Variants in SEC14L5 observed in about 807,000 individuals in gnomAD.
SEC14L5 encodes the protein SEC14 like lipid binding 5, also known as SEC14-like protein 5.
Under a neutral mutation model 84.6 loss-of-function variants are expected in SEC14L5, and 96 were observed. The ratio of observed to expected loss-of-function variants is 1.13; its 90% CI spans 0.96 to 1.34. The LOEUF (loss-of-function observed/expected upper bound fraction) is 1.34, where lower values mean the gene tolerates loss of function less well. Among genes scored for constraint, SEC14L5 ranks in the 40% most tolerant of loss-of-function variants. The probability of loss-of-function intolerance (pLI) is 0.00; values close to 1 mark genes in which losing one functional copy is unlikely to be tolerated. For missense variants in SEC14L5, 1,224 were observed against 942.5 expected, an observed-to-expected ratio of 1.30 and a Z score of -3.91; for synonymous variants, 546 against 383.4, an observed-to-expected ratio of 1.42 and a Z score of -4.95.
Position 5,016,878 on chromosome 16 carries a change from T to A in SEC14L5, c.*1908T>A, listed in dbSNP as rs936834442. 1.3e-5 allele frequency: 2 copies of A among 152,232 alleles called. No homozygotes were observed. Among genetic ancestry groups the A allele is most frequent in the Admixed American group, 6.5e-5 (1 of 15,288 alleles). 9.4% of individuals were successfully genotyped at this position (152,232 alleles called of 1,614,324 possible). A position where few individuals can be genotyped will look rare whatever the true frequency, so the allele number is the denominator to read the frequency against. On this transcript the variant is annotated 3_prime_UTR_variant, in exon 16 of 16. Transcript: ENST00000251170. ...TCTCAGGTATCTGAACAAAATAGAT[T>A]GCTTTGCACTCTGCGTCAAGGTGTG...
At position 5,015,389 on chromosome 16, in the gene SEC14L5, C is replaced by G. The variant is rs1289032462; in HGVS notation, c.*419C>G. The G allele has an allele frequency of 5.7e-6, 1 of 174,418 alleles. No homozygotes were observed. The highest frequency in any genetic ancestry group is 1.2e-5 in the Non-Finnish European group (1 of 81,142). The allele number at this position is 174,418 out of a possible 1,614,324, so 10.8% of individuals were successfully genotyped here. On this transcript the variant is annotated 3_prime_UTR_variant, in exon 16 of 16. Coordinates refer to ENST00000251170, the MANE Select transcript of SEC14L5 (RefSeq NM_014692.2). ...CCTGCATAAGAGAGCCTCTTCCTCC[C>G]AAAGGCTCCAGCCCACTTCCCAGAG... is the stretch of plus-strand genomic sequence containing the variant.
chr16:4,976,335 C>T lies in SEC14L5; in HGVS notation c.64-11222C>T, dbSNP rs117711004. 2.4e-3 allele frequency among the ~76,000 whole-genome samples: 372 copies of T among 152,306 alleles called. 3 individuals are homozygous for T. The highest frequency in any genetic ancestry group is 4.4e-3 in the South Asian group (21 of 4,826). ...GCCCCAGAGCCCACTCTCTTAAGGG[C>T]GGTGCTATGCTGTTGTTCATTCATT... On this transcript the variant is annotated intron_variant, in intron 2 of 15. Coordinates refer to ENST00000251170, the MANE Select transcript of SEC14L5 (RefSeq NM_014692.2).
At chr16:4,982,557 C>T (rs576334133) in intron 2 of SEC14L5, among the ~76,000 whole-genome samples, 13 of 152,288 alleles carry the variant, frequency 8.5e-5, no homozygotes, top group African/African-American at 3.1e-4. Flanking sequence ...GCAGCCCCAG[C>T]ACAGAGCCTG....
intron 2 of SEC14L5, among the ~76,000 whole-genome samples, chr16:4,983,746 G>A (rs1428634732): frequency 1.3e-5 from 2 of 151,752 alleles, no homozygotes; most frequent in Non-Finnish European, 2.9e-5. Flanking sequence ...GTGTAGTGGC[G>A]TGTGCCTGTA....
At position 5,014,999 on chromosome 16, in the gene SEC14L5, T is replaced by C; in HGVS notation, c.*29T>C. The C allele has an allele frequency of 6.5e-7, 1 of 1,528,700 alleles. No homozygotes were observed. The highest frequency in any genetic ancestry group is 9.0e-7 in the Non-Finnish European group (1 of 1,110,462). 94.7% of individuals were successfully genotyped at this position (1,528,700 alleles called of 1,614,324 possible). On this transcript the variant is annotated 3_prime_UTR_variant, in exon 16 of 16. Transcript: ENST00000251170. ...GGCCCAGTGTTTCAGGGCCGCCCGC[T>C]CGCCTCCAGTGTCCAGAAATGTCCA...
Position 4,998,351 on chromosome 16 carries a change from C to T in SEC14L5, c.970+1307C>T, listed in dbSNP as rs547886116. 3.3e-5 allele frequency among the ~76,000 whole-genome samples: 5 copies of T among 151,950 alleles called. No homozygotes were observed. In the South Asian group the frequency reaches 6.2e-4, roughly 19 times the overall value. On this transcript the variant is annotated intron_variant, in intron 8 of 15. Coordinates refer to ENST00000251170, the MANE Select transcript of SEC14L5 (RefSeq NM_014692.2). ...CCCCATGGATATGAGTTTTGGGACA[C>T]GATTCCACCCATTACAAATATCTTT...
rs760808127 is a variant in SEC14L5, at chr16:5,000,884, G to A, written c.1089G>A (p.Lys363=). ...HVLSVNEEGQ[K]RCEGSTRQLG... is the part of the protein sequence containing the mutation. Reference sequence around the variant, plus strand: ...TCTCCGTCAACGAGGAAGGACAGAAGCGGTGTGAGGGGAGCACAAGGCAGC... The same window carrying A: ...TCTCCGTCAACGAGGAAGGACAGAAACGGTGTGAGGGGAGCACAAGGCAGC... The change falls in exon 10 of 16, where the codon AAG becomes AAA. Residue 363 remains lysine, a synonymous_variant. Transcript: ENST00000251170. The A allele has an allele frequency of 3.7e-6, 6 of 1,609,148 alleles. No individual in the cohort carries two copies. In the South Asian group the frequency reaches 6.7e-5, roughly 18 times the overall value.
intron 4 of SEC14L5, among the ~76,000 whole-genome samples, chr16:4,989,522 T>C (rs541735651): frequency 6.6e-6 from 1 of 152,284 alleles, no homozygotes; most frequent in South Asian, 2.1e-4. Flanking sequence ...GATTTTTGTA[T>C]TTTTAGTAGA....
chr16:5,000,834 A>C, intron 9 of SEC14L5, 21 bp from the exon 10 acceptor site: 1 of 1,594,116 alleles, frequency 6.3e-7, no homozygotes, highest in Non-Finnish European at 8.5e-7. Context: ...GACGTTGAGC[A>C]GCACTGTCTC....
At chr16:4,986,908 T>C (rs1439842204) in intron 2 of SEC14L5, among the ~76,000 whole-genome samples, 2 of 152,220 alleles carry the variant, frequency 1.3e-5, no homozygotes, top group Non-Finnish European at 2.9e-5. Context: ...CATTGATTAG[T>C]TCTAATCTTT....
At chr16:4,959,223 C>G in intron 1 of SEC14L5, 50 bp from the exon 2 acceptor site, 1 of 879,486 alleles carries the variant, frequency 1.1e-6, no homozygotes, top group Non-Finnish European at 1.9e-6. Context: ...GGTGGTGTCC[C>G]TGCTTCCCGA....
At chr16:4,966,711 G>C (rs1411237562) in intron 2 of SEC14L5, among the ~76,000 whole-genome samples, 5 of 152,152 alleles carry the variant, frequency 3.3e-5, no homozygotes, top group African/African-American at 1.2e-4. Context: ...CATGTAGCAG[G>C]TGGGGACTCA....
intron 6 of SEC14L5, 137 bp downstream of exon 6, chr16:4,992,167 C>A (rs28658411): frequency 7.3e-6 from 4 of 546,288 alleles, no homozygotes; most frequent in Non-Finnish European, 9.6e-6. Flanking sequence ...GGAACGACAC[C>A]GCCTCCTGCC....
rs558363458 is a variant in SEC14L5 at position 4,989,313 on chromosome 16, T to C, written c.345+1033T>C. ...CATTGTACGTGTTTTTTTTTTTGTT[T>C]GTTTGTTTGTTTTGTTTTTTTTTTT... On this transcript the variant is annotated intron_variant, in intron 4 of 15. Coordinates refer to ENST00000251170, the MANE Select transcript of SEC14L5 (RefSeq NM_014692.2). Among the ~76,000 whole-genome samples the C allele has an allele frequency of 4.6e-3, 656 of 142,570 alleles. 2 individuals are homozygous for C. The highest frequency in any genetic ancestry group is 6.7e-3 in the Non-Finnish European group (445 of 66,650). 93.5% of individuals were successfully genotyped at this position (142,570 alleles called of 152,430 possible).
At chr16:4,998,461 G>A (rs532791807) in intron 8 of SEC14L5, among the ~76,000 whole-genome samples, 13 of 151,652 alleles carry the variant, frequency 8.6e-5, no homozygotes, top group Non-Finnish European at 1.6e-4. Flanking sequence ...ATCTAGGGCC[G>A]GGCGCGGTGG....
chr16:5,008,328 AG>A (rs1955757019), intron 13 of SEC14L5, 92 bp from the exon 14 acceptor site: 1 of 878,284 alleles, frequency 1.1e-6, no homozygotes, highest in Non-Finnish European at 1.8e-6. Context: ...AGGAGACCCC[AG>A]GGGGCACCCA....
rs149259397 is a variant in SEC14L5 at position 4,993,495 on chromosome 16, G to C, written c.667+1465G>C. Among the ~76,000 whole-genome samples the C allele has an allele frequency of 2.0e-3, 306 of 152,272 alleles. 9 individuals carry two copies. The East Asian group carries it at 0.053, about 26-fold the overall frequency. On this transcript the variant is annotated intron_variant, in intron 6 of 15. Coordinates refer to ENST00000251170, the MANE Select transcript of SEC14L5 (RefSeq NM_014692.2). ...GACCTCAGGTGATCCACCTGCCTTG[G>C]CTTCCCACAGTGCTGGAATTACATG... is the stretch of plus-strand genomic sequence containing the variant.
At chr16:5,014,163 A>C (rs1057460061) in intron 15 of SEC14L5, among the ~76,000 whole-genome samples, 1 of 152,278 alleles carries the variant, frequency 6.6e-6, no homozygotes, top group Non-Finnish European at 1.5e-5. Flanking sequence ...TCAGTGCCTC[A>C]GTCGCATGGG....
intron 5 of SEC14L5, among the ~76,000 whole-genome samples, chr16:4,991,237 T>TA (rs1365190370): frequency 7.0e-6 from 1 of 143,790 alleles, no homozygotes; most frequent in African/African-American, 2.6e-5. Context: ...CATCCCTGAG[T>TA]AAAAACCCGT....
Sources: allele counts gnomAD v4.1 joint callset (sites outside exome capture counted in the v4.1 genomes callset), GRCh38; gene constraint gnomAD v4.1.1; transcripts MANE v1.5; gene names NCBI Gene and HGNC (gene_info 2026-07-23, HGNC 2026-07-21).